Variants in DAAM2 observed in about 807,000 individuals in gnomAD.
DAAM2 encodes the protein dishevelled associated activator of morphogenesis 2.
Under a neutral mutation model 120.7 loss-of-function variants are expected in DAAM2, and 39 were observed. That is an observed-to-expected ratio of 0.32 (90% CI 0.25 to 0.42). DAAM2 has a LOEUF of 0.42. Among genes scored for constraint, DAAM2 ranks in the 10% least tolerant of loss-of-function variants. DAAM2 has a pLI of 1.00. For synonymous variants in DAAM2, 488 were observed against 524.9 expected, an observed-to-expected ratio of 0.93 and a Z score of 0.96; for missense variants, 1,283 against 1,401.7, an observed-to-expected ratio of 0.92 and a Z score of 1.35.
intron 1 of DAAM2, among the ~76,000 whole-genome samples, chr6:39,841,044 G>GGGC (rs1485649001): frequency 7.3e-6 from 1 of 136,972 alleles, no homozygotes. Context: ...GAAGCTCCAG[G>GGGC]GGCAGGGTTC....
In DAAM2 at chr6:39,861,044, A is replaced by G. The variant is rs566783385; in HGVS notation, c.258+27A>G. 2.7e-5 allele frequency: 43 copies of G among 1,571,536 alleles called. No homozygotes were observed. The East Asian group carries it at 8.9e-4, about 32-fold the overall frequency. ...TGCCCTCTCTGACCCCTCTGGCCAC[A>G]TCTCAGGGTTCATGGCATGGGGTGG... On this transcript the variant is annotated intron_variant, in intron 3 of 24. Coordinates refer to ENST00000274867, the MANE Select transcript of DAAM2 (RefSeq NM_001201427.2).
chr6:39,877,958 C>G (rs1764937513), intron 11 of DAAM2, among the ~76,000 whole-genome samples: 1 of 152,184 alleles, frequency 6.6e-6, no homozygotes, highest in Non-Finnish European at 1.5e-5. Flanking sequence ...CCGGCTGTAT[C>G]ACAAAGGGGC....
At chr6:39,795,178 T>C (rs1213773556) in intron 1 of DAAM2, among the ~76,000 whole-genome samples, 6 of 152,202 alleles carry the variant, frequency 3.9e-5, no homozygotes, top group Admixed American at 3.9e-4. Context: ...TCTTTGGTCA[T>C]CTTTGAGATT....
At chr6:39,826,592 G>A (rs1279615142) in intron 1 of DAAM2, among the ~76,000 whole-genome samples, 1 of 152,116 alleles carries the variant, frequency 6.6e-6, no homozygotes, top group Non-Finnish European at 1.5e-5. Flanking sequence ...CGATCCTCCT[G>A]AAATTCTTGA....
intron 6 of DAAM2, chr6:39,868,169 T>G (rs904553129): frequency 2.9e-6 from 1 of 347,108 alleles, no homozygotes; most frequent in African/African-American, 2.1e-5. Flanking sequence ...TGGCTCATGA[T>G]AGGGGCTCAG....
In DAAM2 at chr6:39,846,699, C is replaced by CT. The variant is rs11359144; in HGVS notation, c.-56-9533dup. Among the ~76,000 whole-genome samples, 1,265 of 140,610 alleles carry CT rather than the reference C, an allele frequency of 9.0e-3. 15 individuals carry two copies. The highest frequency in any genetic ancestry group is 0.026 in the African/African-American group (1,014 of 38,316). The allele number at this position is 140,610 out of a possible 152,430, so 92.2% of individuals were successfully genotyped here. A position where few individuals can be genotyped will look rare whatever the true frequency, so the allele number is the denominator to read the frequency against. ...TTCCCTTATCATAACCACATCCACG[C>CT]TTTTTTTTTTTTTTTGAGACGGGGT... On this transcript the variant is annotated intron_variant, in intron 1 of 24. Transcript: ENST00000274867.
At chr6:39,818,204 A>AC (rs1248067220) in intron 1 of DAAM2, among the ~76,000 whole-genome samples, 14,207 of 146,086 alleles carry the variant, frequency 0.097, 1,521 homozygotes, top group East Asian at 0.44. Flanking sequence ...AAAAAAAAAA[A>AC]AACTTCACAG....
intron 8 of DAAM2, among the ~76,000 whole-genome samples, chr6:39,871,078 C>T (rs944102351): frequency 1.3e-5 from 2 of 152,062 alleles, no homozygotes; most frequent in African/African-American, 4.8e-5. Flanking sequence ...GAAAATAGAC[C>T]AGGGCTGATG....
intron 1 of DAAM2, among the ~76,000 whole-genome samples, chr6:39,845,997 C>G (rs1424806247): frequency 6.6e-6 from 1 of 152,026 alleles, no homozygotes; most frequent in Non-Finnish European, 1.5e-5. Context: ...AGAGGTTGGC[C>G]CTGGTCTCAG....
chr6:39,892,766 C>T (rs980956683), intron 19 of DAAM2, among the ~76,000 whole-genome samples: 1 of 152,124 alleles, frequency 6.6e-6, no homozygotes, highest in Non-Finnish European at 1.5e-5. Flanking sequence ...AGAGAGCAAC[C>T]CTTCCTGAAA....
intron 16 of DAAM2, 136 bp downstream of exon 16, chr6:39,887,728 C>G (rs927158548): frequency 1.6e-6 from 1 of 624,702 alleles, no homozygotes; most frequent in African/African-American, 1.8e-5. Flanking sequence ...AACTGTCTCT[C>G]GGGAACCTGC....
Position 39,878,302 on chromosome 6 carries a change from C to T in DAAM2, c.1360+41C>T, listed in dbSNP as rs1190571441. 8.7e-6 allele frequency: 14 copies of T among 1,612,758 alleles called. No individual in the cohort carries two copies. The highest frequency in any genetic ancestry group is 1.2e-5 in the Non-Finnish European group (14 of 1,179,102). ...TAAGCCTGCTGTCCACTCCACATGCCCTTCCCCTGCCCAGCCCATAACTCC... is the reference window on the plus strand; with the variant it reads ...TAAGCCTGCTGTCCACTCCACATGCTCTTCCCCTGCCCAGCCCATAACTCC... On this transcript the variant is annotated intron_variant, in intron 12 of 24. Coordinates refer to ENST00000274867, the MANE Select transcript of DAAM2 (RefSeq NM_001201427.2). The surrounding 1 kb of genome is among the most constrained non-coding windows in gnomAD (Gnocchi z 5.0).
At chr6:39,794,802 C>A (rs1370961851) in intron 1 of DAAM2, among the ~76,000 whole-genome samples, 1 of 152,150 alleles carries the variant, frequency 6.6e-6, no homozygotes, top group African/African-American at 2.4e-5. Context: ...ATGAGGCTTT[C>A]TTATTTGATT....
chr6:39,840,049 A>G (rs1400237934), intron 1 of DAAM2, among the ~76,000 whole-genome samples: 1 of 152,194 alleles, frequency 6.6e-6, no homozygotes, highest in Non-Finnish European at 1.5e-5. Context: ...CAACATGGTG[A>G]AACCCTGTCT....
chr6:39,856,231 C>T lies in DAAM2; in HGVS notation c.-56-16C>T. 1 of 1,360,438 alleles carries T rather than the reference C, an allele frequency of 7.4e-7. No individual in the cohort carries two copies. Among genetic ancestry groups the T allele is most frequent in the Non-Finnish European group, 9.5e-7 (1 of 1,053,276 alleles). 84.3% of individuals were successfully genotyped at this position (1,360,438 alleles called of 1,614,324 possible). A position where few individuals can be genotyped will look rare whatever the true frequency, so the allele number is the denominator to read the frequency against. ...ACTGTATGCCTGACCACCCTGTGTT[C>T]TCTCCTCTTGTCCAGATCACAATGA... On this transcript the variant is annotated splice_polypyrimidine_tract_variant and intron_variant, in intron 1 of 24. Transcript: ENST00000274867.
chr6:39,846,981 C>T (rs1011113704), intron 1 of DAAM2, among the ~76,000 whole-genome samples: 9 of 152,178 alleles, frequency 5.9e-5, no homozygotes, highest in Non-Finnish European at 1.0e-4. Context: ...ATCCTACCCC[C>T]TAGTTACTGC....
At chr6:39,857,117 G>A (rs1268976282) in intron 2 of DAAM2, among the ~76,000 whole-genome samples, 2 of 152,238 alleles carry the variant, frequency 1.3e-5, no homozygotes, top group Admixed American at 6.5e-5. Context: ...AAGCCCGTGT[G>A]TGTGCAGCTT....
At chr6:39,899,853 G>C in intron 22 of DAAM2, 3 of 433,670 alleles carry the variant, frequency 6.9e-6, no homozygotes, top group East Asian at 8.4e-5. Context: ...CTGGCCCCAG[G>C]TCACATGTTG....
intron 1 of DAAM2, among the ~76,000 whole-genome samples, chr6:39,843,330 A>G (rs1011148830): frequency 6.6e-6 from 1 of 152,122 alleles, no homozygotes; most frequent in African/African-American, 2.4e-5. Flanking sequence ...GCGATGGGGA[A>G]GAAAGATCAG....
Sources: allele counts gnomAD v4.1 joint callset (sites outside exome capture counted in the v4.1 genomes callset), GRCh38; gene constraint gnomAD v4.1.1; non-coding constraint Gnocchi (gnomAD v3.1); transcripts MANE v1.5; gene names NCBI Gene and HGNC (gene_info 2026-07-23, HGNC 2026-07-21).